The following TBCK variants were observed in gnomAD, a reference collection of about 807,000 sequenced individuals.
TBCK encodes TBC domain-containing protein kinase-like protein.
Under a neutral mutation model 113.4 loss-of-function variants are expected in TBCK, and 99 were observed. The observed-to-expected ratio is 0.87, with a 90% CI of 0.74 to 1.03. The LOEUF (loss-of-function observed/expected upper bound fraction) is 1.03, where lower values mean the gene tolerates loss of function less well. TBCK is among the 50% of genes least tolerant of loss of function. The pLI, the probability that TBCK is intolerant of heterozygous loss-of-function variation, is 0.00. For missense variants in TBCK, 1,045 were observed against 1,061.3 expected, an observed-to-expected ratio of 0.98 and a Z score of 0.21; for synonymous variants, 369 against 370.8, an observed-to-expected ratio of 1.00 and a Z score of 0.05.
At chr4:106,076,592 G>GA (rs1468922235) in intron 25 of TBCK, among the ~76,000 whole-genome samples, 2 of 152,076 alleles carry the variant, frequency 1.3e-5, no homozygotes, top group Non-Finnish European at 2.9e-5. Flanking sequence ...AGATGTGAAA[G>GA]AAAAAATCGT....
At position 106,180,069 on chromosome 4, in the gene TBCK, A is replaced by C. The variant is rs184839701; in HGVS notation, c.2060-8799T>G. 5.3e-5 allele frequency among the ~76,000 whole-genome samples: 8 copies of C among 151,950 alleles called. No homozygotes were observed. In the East Asian group the frequency reaches 5.8e-4, roughly 11 times the overall value. ...ATGTACAGTTGCTTCAGCTCTCTCT[A>C]TAGTTTCTGAATCTTCTCTCATCCC... On this transcript the variant is annotated intron_variant, in intron 22 of 25. Coordinates refer to ENST00000394708, the MANE Select transcript of TBCK (RefSeq NM_001163435.3).
At chr4:106,096,640 T>G (rs1235117630) in intron 24 of TBCK, among the ~76,000 whole-genome samples, 1 of 152,198 alleles carries the variant, frequency 6.6e-6, no homozygotes, top group African/African-American at 2.4e-5. Flanking sequence ...GAGCCTAGGT[T>G]GTCGTGTTGG....
chr4:106,171,243 T>C lies in TBCK; in HGVS notation c.2087A>G (p.Glu696Gly). 6 of 1,609,300 alleles carry C rather than the reference T, an allele frequency of 3.7e-6. No homozygotes were observed. Among genetic ancestry groups the C allele is most frequent in the African/African-American group, 1.3e-5 (1 of 74,740 alleles). Residue 696 changes from glutamate to glycine, a missense_variant, in exon 23 of 26, where the codon GAA (glutamate) becomes GGA (glycine). Transcript: ENST00000394708. Reference protein sequence around the residue: ...PEIDIERCVRESINLFCWTPK... With the variant: ...PEIDIERCVRGSINLFCWTPK... ...AGTCCAACAAAACAGGTTGATAGAT[T>C]CTCTCACACAGCGTTCAATGTCAAT...
intron 24 of TBCK, among the ~76,000 whole-genome samples, chr4:106,111,405 G>A (rs1742841735): frequency 6.6e-6 from 1 of 152,130 alleles, no homozygotes; most frequent in South Asian, 2.1e-4. Flanking sequence ...TGACTTAAAA[G>A]GCTGCTCTTA....
chr4:106,282,028 T>C (rs191096396), intron 3 of TBCK, among the ~76,000 whole-genome samples: 1 of 152,274 alleles, frequency 6.6e-6, no homozygotes, highest in East Asian at 1.9e-4. Context: ...TAAAGTCCTC[T>C]AGCCCAGGGC....
intron 23 of TBCK, among the ~76,000 whole-genome samples, chr4:106,129,061 G>A (rs555376126): frequency 2.6e-5 from 4 of 152,180 alleles, no homozygotes; most frequent in African/African-American, 9.6e-5. Flanking sequence ...ATATAGTACT[G>A]GGATAACTTG....
intron 2 of TBCK, among the ~76,000 whole-genome samples, chr4:106,308,260 C>T (rs1767752980): frequency 6.6e-6 from 1 of 152,030 alleles, no homozygotes; most frequent in Admixed American, 6.6e-5. Flanking sequence ...GGTCCTTATC[C>T]TCAAGAACTA....
At chr4:106,187,169 T>C (rs1444874344) in intron 22 of TBCK, among the ~76,000 whole-genome samples, 1 of 152,124 alleles carries the variant, frequency 6.6e-6, no homozygotes, top group Non-Finnish European at 1.5e-5. Flanking sequence ...AATTGGGTAG[T>C]GTGATGTCTC....
At chr4:106,168,204 T>C (rs1750610655) in intron 23 of TBCK, among the ~76,000 whole-genome samples, 1 of 151,904 alleles carries the variant, frequency 6.6e-6, no homozygotes, top group South Asian at 2.1e-4. Context: ...GAAAATTAAT[T>C]AATGTAATTC....
chr4:106,099,827 C>G (rs1421709925), intron 24 of TBCK, among the ~76,000 whole-genome samples: 1 of 152,120 alleles, frequency 6.6e-6, no homozygotes, highest in Non-Finnish European at 1.5e-5. Context: ...CTTGGAAATA[C>G]ACTTGATTTA....
At chr4:106,173,833 A>G (rs575802666) in intron 22 of TBCK, among the ~76,000 whole-genome samples, 109 of 148,802 alleles carry the variant, frequency 7.3e-4, no homozygotes, top group South Asian at 1.7e-3. Context: ...CTACAAAGTA[A>G]TCTCTCATTA....
rs116333893 is a variant in TBCK, at chr4:106,111,905, A to T, written c.2411+4298T>A. Among the ~76,000 whole-genome samples, 1,382 of 152,276 alleles carry T rather than the reference A, an allele frequency of 9.1e-3. 23 individuals carry two copies. The highest frequency in any genetic ancestry group is 0.032 in the African/African-American group (1,323 of 41,546). On this transcript the variant is annotated intron_variant, in intron 24 of 25. Transcript: ENST00000394708. The stretch of plus-strand genomic sequence containing the variant: ...GACATAACTACTGATAAGTTACAGA[A>T]CTTGTTTTCCATCTTAAAAGGCAAT...
intron 25 of TBCK, among the ~76,000 whole-genome samples, chr4:106,083,241 C>T (rs1739102889): frequency 6.6e-6 from 1 of 152,184 alleles, no homozygotes; most frequent in South Asian, 2.1e-4. Flanking sequence ...TGGGCTTTTT[C>T]CCTGCTGGAG....
intron 25 of TBCK, among the ~76,000 whole-genome samples, chr4:106,059,176 C>A (rs1735761826): frequency 6.9e-6 from 1 of 145,172 alleles, no homozygotes; most frequent in African/African-American, 2.5e-5. Context: ...GCCTTTTTGG[C>A]CTTAGTTTTG....
intron 12 of TBCK, among the ~76,000 whole-genome samples, chr4:106,238,379 T>C (rs1759708367): frequency 6.6e-6 from 1 of 152,090 alleles, no homozygotes; most frequent in African/African-American, 2.4e-5. Flanking sequence ...AATGGTTAGA[T>C]AAGCTTTAAA....
At position 106,248,303 on chromosome 4, in the gene TBCK, G is replaced by A; in HGVS notation, c.724C>T (p.Leu242Phe). ...AAAAGATCTATCACAGTTTCAGGAAGCTCCTGGTAAATAAAGAGAGAAAAT... is the reference window on the plus strand; with the variant it reads ...AAAAGATCTATCACAGTTTCAGGAAACTCCTGGTAAATAAAGAGAGAAAAT... Reference protein sequence around the residue: ...EHGCLDIIKELPETVIDLLNK... With the variant: ...EHGCLDIIKEFPETVIDLLNK... The change falls in exon 9 of 26, where the codon CTT (leucine) becomes TTT (phenylalanine). Residue 242 changes from leucine to phenylalanine, a missense_variant. Leu to Phe is a conservative substitution (Grantham distance 22, BLOSUM62 0). Coordinates refer to ENST00000394708, the MANE Select transcript of TBCK (RefSeq NM_001163435.3). 1 of 1,577,400 alleles carries A rather than the reference G, an allele frequency of 6.3e-7. No individual in the cohort carries two copies.
intron 25 of TBCK, among the ~76,000 whole-genome samples, chr4:106,058,132 C>G (rs948369614): frequency 2.0e-5 from 3 of 151,726 alleles, no homozygotes; most frequent in African/African-American, 7.3e-5. Context: ...ATGCTAGGGG[C>G]TGGGGATATA....
intron 1 of TBCK, among the ~76,000 whole-genome samples, chr4:106,312,155 T>C (rs943516015): frequency 6.6e-6 from 1 of 152,110 alleles, no homozygotes; most frequent in African/African-American, 2.4e-5. Context: ...GGAAATATTA[T>C]TTACATCTGT....
At position 106,044,801 on chromosome 4, in the gene TBCK, TA is replaced by T; in HGVS notation, c.*1768del. ...TTTTATGGTTAAGTATATCTCAATTTAAAAAGTAGATGCAAAGAAAAAATAA... is the reference window on the plus strand; with the variant it reads ...TTTTATGGTTAAGTATATCTCAATTTAAAAGTAGATGCAAAGAAAAAATAA... On this transcript the variant is annotated 3_prime_UTR_variant, in exon 26 of 26. Transcript: ENST00000394708. 1 of 152,282 alleles carries T rather than the reference TA, an allele frequency of 6.6e-6. No individual in the cohort carries two copies. The highest frequency in any genetic ancestry group is 2.1e-4 in the South Asian group (1 of 4,830). 9.4% of individuals were successfully genotyped at this position (152,282 alleles called of 1,614,324 possible). A position where few individuals can be genotyped will look rare whatever the true frequency, so the allele number is the denominator to read the frequency against.
Sources: gnomAD v4.1 joint callset for allele counts (sites outside exome capture counted in the v4.1 genomes callset) on GRCh38, gnomAD v4.1.1 for gene constraint, MANE v1.5 for transcripts, NCBI Gene and HGNC (gene_info 2026-07-23, HGNC 2026-07-21) for gene names.